The following COX7A2L variants were observed in gnomAD, a reference collection of about 807,000 sequenced individuals.
The protein encoded by COX7A2L is cytochrome c oxidase subunit 7A2-like, mitochondrial.
A neutral mutation model predicts 14.2 loss-of-function variants in COX7A2L; 18 were observed. The observed-to-expected ratio is 1.27, with a 90% CI of 0.88 to 1.88. The LOEUF (loss-of-function observed/expected upper bound fraction) is 1.88. COX7A2L is among the 40% of genes most tolerant of loss of function. The pLI is 0.00. For missense variants in COX7A2L, 179 were observed against 138.8 expected, an observed-to-expected ratio of 1.29 and a Z score of -1.46; for synonymous variants, 65 against 57.4, an observed-to-expected ratio of 1.13 and a Z score of -0.60.
intron 2 of COX7A2L, chr2:42,352,871 C>A: frequency 3.2e-6 from 1 of 308,658 alleles, no homozygotes; most frequent in Non-Finnish European, 5.9e-6. Context: ...ACATGTGTCA[C>A]GAAGTCAAAT....
In COX7A2L at chr2:42,344,118, T is replaced by G. The variant is rs540231255; in HGVS notation, c.192+9094A>C. On this transcript the variant is annotated intron_variant, in intron 2 of 2. Transcript: ENST00000468711. ...AATTTACATCTATGCATATCTAAGCTTAATACGTAAAATTCTTCATTTTAA... is the reference window on the plus strand; with the variant it reads ...AATTTACATCTATGCATATCTAAGCGTAATACGTAAAATTCTTCATTTTAA... Among the ~76,000 whole-genome samples the G allele has an allele frequency of 2.6e-4, 39 of 152,346 alleles. No homozygotes were observed. In the South Asian group the frequency reaches 7.9e-3, roughly 31 times the overall value.
rs1379015228 is a variant in COX7A2L, at chr2:42,361,193, G to C, written c.-32C>G. The C allele has an allele frequency of 1.3e-6, 2 of 1,576,468 alleles. No individual in the cohort carries two copies. Among genetic ancestry groups the C allele is most frequent in the South Asian group, 1.1e-5 (1 of 87,116 alleles). ...CAGAGTCCGGCTTCCCGCATCCGCTGCCAACGCGACCGCCCCAGAGAAGGA... is the reference window on the plus strand; with the variant it reads ...CAGAGTCCGGCTTCCCGCATCCGCTCCCAACGCGACCGCCCCAGAGAAGGA... On this transcript the variant is annotated 5_prime_UTR_variant, in exon 1 of 3. Coordinates refer to ENST00000234301, the MANE Select transcript of COX7A2L (RefSeq NM_004718.4).
At chr2:42,336,874 G>T (rs189189820) in intron 2 of COX7A2L, among the ~76,000 whole-genome samples, 1 of 152,266 alleles carries the variant, frequency 6.6e-6, no homozygotes, top group Admixed American at 6.5e-5. Flanking sequence ...CCATTCATCA[G>T]ATATATATTA....
At chr2:42,363,284 G>A (rs1671098671), upstream of COX7A2L, among the ~76,000 whole-genome samples, 1 of 152,154 alleles carries the variant, frequency 6.6e-6, no homozygotes, top group Admixed American at 6.6e-5. Flanking sequence ...TTGAGTCCCA[G>A]GCGCTAGCAA....
In COX7A2L at chr2:42,349,661, T is replaced by C. The variant is rs1670578688; in HGVS notation, c.*1558A>G. The C allele has an allele frequency of 6.6e-6, 1 of 152,186 alleles. No individual in the cohort carries two copies. Among genetic ancestry groups the C allele is most frequent in the East Asian group, 1.9e-4 (1 of 5,200 alleles). 9.4% of individuals were successfully genotyped at this position (152,186 alleles called of 1,614,324 possible). A position where few individuals can be genotyped will look rare whatever the true frequency, so the allele number is the denominator to read the frequency against. ...TAAAAACACAACTATGAAGAACTCA[T>C]TATTAGAACACCTGGGGAAATCTGA... On this transcript the variant is annotated 3_prime_UTR_variant, in exon 3 of 3. Transcript: ENST00000234301.
downstream of COX7A2L, among the ~76,000 whole-genome samples, chr2:42,347,193 T>C (rs1366840535): frequency 6.6e-6 from 1 of 152,086 alleles, no homozygotes; most frequent in Non-Finnish European, 1.5e-5. Context: ...CACAAAGAAA[T>C]GTTATCACTT....
intron 1 of COX7A2L, among the ~76,000 whole-genome samples, chr2:42,367,516 A>G (rs1015499086): frequency 6.6e-6 from 1 of 152,260 alleles, no homozygotes; most frequent in African/African-American, 2.4e-5. Context: ...GTTATCAATC[A>G]GTGAAAAGTA....
At chr2:42,361,429 C>T (rs1671047796), upstream of COX7A2L, 3 of 395,728 alleles carry the variant, frequency 7.6e-6, no homozygotes, top group South Asian at 1.1e-4. Flanking sequence ...ATGAAGTTCC[C>T]TCTTTCCCCC....
chr2:42,351,077 C>T lies in COX7A2L; in HGVS notation c.*142G>A. 1.0e-6 allele frequency: 1 copy of T among 960,788 alleles called. No individual in the cohort carries two copies. The highest frequency in any genetic ancestry group is 1.5e-6 in the Non-Finnish European group (1 of 670,392). 59.5% of individuals were successfully genotyped at this position (960,788 alleles called of 1,614,324 possible). A position where few individuals can be genotyped will look rare whatever the true frequency, so the allele number is the denominator to read the frequency against. On this transcript the variant is annotated 3_prime_UTR_variant, in exon 3 of 3. Coordinates refer to ENST00000234301, the MANE Select transcript of COX7A2L (RefSeq NM_004718.4). ...AGCCATATGCATTTCATAAACAAAC[C>T]AAAACATCATCTTCATATCTTCCTA...
intron 1 of COX7A2L, among the ~76,000 whole-genome samples, chr2:42,356,520 C>T (rs928809678): frequency 6.6e-6 from 1 of 152,242 alleles, no homozygotes; most frequent in Admixed American, 6.5e-5. Context: ...AAGGCTATAG[C>T]TTCACAGTGT....
intron 2 of COX7A2L, chr2:42,352,837 A>G (rs1670690356): frequency 7.9e-6 from 2 of 253,614 alleles, no homozygotes; most frequent in Non-Finnish European, 1.5e-5. Context: ...AAACAATGAG[A>G]AAAAAACCCA....
intron 2 of COX7A2L, among the ~76,000 whole-genome samples, chr2:42,352,335 A>G (rs1206489701): frequency 1.3e-5 from 2 of 152,024 alleles, no homozygotes; most frequent in African/African-American, 4.8e-5. Context: ...ACACTCAGCT[A>G]AGTTTTTTTG....
downstream of COX7A2L, among the ~76,000 whole-genome samples, chr2:42,348,188 T>C (rs1670535737): frequency 6.6e-6 from 1 of 152,172 alleles, no homozygotes; most frequent in African/African-American, 2.4e-5. Flanking sequence ...AGAAGAAATA[T>C]CAAAAATGTA....
intron 1 of COX7A2L, 88 bp downstream of exon 1, chr2:42,361,002 C>A: frequency 7.0e-7 from 1 of 1,421,716 alleles, no homozygotes; most frequent in Non-Finnish European, 9.8e-7. Context: ...CGGGCAGAAG[C>A]CTCCCCTGGC....
chr2:42,341,926 A>G (rs543170631), intron 2 of COX7A2L, among the ~76,000 whole-genome samples: 3 of 152,272 alleles, frequency 2.0e-5, no homozygotes, highest in African/African-American at 7.2e-5. Context: ...ACACCACTGA[A>G]CTTTGAAGAC....
rs1489243763 is a variant in COX7A2L at position 42,351,333 on chromosome 2, CA to C, written c.230del (p.Leu77ArgfsTer17). 1 of 1,614,136 alleles carries C rather than the reference CA, an allele frequency of 6.2e-7. No homozygotes were observed. The highest frequency in any genetic ancestry group is 8.5e-7 in the Non-Finnish European group (1 of 1,180,014). ...FQKADGVPVY[L>X]KRGLPDQMLY... ...GCATTTGGTCAGGCAGGCCTCGTTT[CA>C]GGTAGACGGGCACACCATCAGCTTT... is the stretch of plus-strand genomic sequence containing the variant. On this transcript the variant is annotated frameshift_variant, in exon 3 of 3. Coordinates refer to ENST00000234301, the MANE Select transcript of COX7A2L (RefSeq NM_004718.4). LOFTEE classifies it high-confidence loss of function.
chr2:42,345,816 TACTC>T (rs1205045244), downstream of COX7A2L, among the ~76,000 whole-genome samples: 3 of 152,306 alleles, frequency 2.0e-5, no homozygotes, highest in South Asian at 6.2e-4. Flanking sequence ...GGACCGCACT[TACTC>T]AGCACCGTGG....
chr2:42,350,620 A>G lies in COX7A2L; in HGVS notation c.*599T>C, dbSNP rs975250406. On this transcript the variant is annotated 3_prime_UTR_variant, in exon 3 of 3. Coordinates refer to ENST00000234301, the MANE Select transcript of COX7A2L (RefSeq NM_004718.4). ...GCATTAACAAAACAGACACCAGTCT[A>G]AAGTGCAACACTAAACAGGTATTCT... The G allele has an allele frequency of 1.3e-5, 2 of 152,136 alleles. No homozygotes were observed. Among genetic ancestry groups the G allele is most frequent in the Admixed American group, 6.5e-5 (1 of 15,274 alleles). The allele number at this position is 152,136 out of a possible 1,614,324, so 9.4% of individuals were successfully genotyped here. A position where few individuals can be genotyped will look rare whatever the true frequency, so the allele number is the denominator to read the frequency against.
chr2:42,336,798 C>G (rs1409513278), intron 2 of COX7A2L, among the ~76,000 whole-genome samples: 1 of 148,698 alleles, frequency 6.7e-6, no homozygotes, highest in African/African-American at 2.5e-5. Context: ...TTGCCACCAC[C>G]TTCAAAGTGG....
Sources: allele counts gnomAD v4.1 joint callset (sites outside exome capture counted in the v4.1 genomes callset), GRCh38; gene constraint gnomAD v4.1.1; transcripts MANE v1.5; gene names NCBI Gene and HGNC (gene_info 2026-07-23, HGNC 2026-07-21).